The following KATNIP variants were observed in gnomAD, a reference collection of about 807,000 sequenced individuals.
KATNIP encodes the protein katanin-interacting protein.
Under a neutral mutation model 174.0 loss-of-function variants are expected in KATNIP, and 126 were observed. The ratio of observed to expected loss-of-function variants is 0.72; its 90% CI spans 0.63 to 0.84. KATNIP has a LOEUF of 0.84. Among genes scored for constraint, KATNIP ranks in the 40% least tolerant of loss-of-function variants. The pLI is 0.00. For missense variants in KATNIP, 1,958 were observed against 2,109.7 expected (o/e 0.93, Z 1.41); for synonymous variants, 810 against 835.7 (o/e 0.97, Z 0.53).
intron 6 of KATNIP, among the ~76,000 whole-genome samples, chr16:27,674,569 A>T (rs1193922641): frequency 6.6e-6 from 1 of 152,130 alleles, no homozygotes; most frequent in African/African-American, 2.4e-5. Flanking sequence ...TCTCTATTTG[A>T]TGTTGATCTT....
intron 8 of KATNIP, among the ~76,000 whole-genome samples, chr16:27,682,644 G>A (rs2078389562): frequency 6.6e-6 from 1 of 152,150 alleles, no homozygotes; most frequent in Non-Finnish European, 1.5e-5. Context: ...ATAACCTAGG[G>A]TAAGAACCTG....
chr16:27,721,695 C>A lies in KATNIP; in HGVS notation c.1743C>A (p.Gly581=), dbSNP rs140779565. The change falls in exon 14 of 28, where the codon GGC becomes GGA. Residue 581 remains glycine, a splice_region_variant and synonymous_variant. Transcript: ENST00000261588. ...TTCGGAATTACTGGACAGCTGATGG[C>A]GTAAGTAACAGGCGCTGGTTCCCCA... is the stretch of plus-strand genomic sequence containing the variant. ...IKVRNYWTAD[G]DLDIGAKNVK... 1.1e-4 allele frequency: 175 copies of A among 1,613,424 alleles called. No homozygotes were observed. The highest frequency in any genetic ancestry group is 1.5e-4 in the Non-Finnish European group (172 of 1,179,836).
At chr16:27,555,222 C>G (rs181635305) in intron 1 of KATNIP, among the ~76,000 whole-genome samples, 1 of 152,314 alleles carries the variant, frequency 6.6e-6, no homozygotes, top group East Asian at 1.9e-4. Flanking sequence ...TTACTTCCTA[C>G]GTTCACAAAA....
intron 4 of KATNIP, 114 bp from the exon 5 acceptor site, chr16:27,630,951 C>T: frequency 2.6e-6 from 2 of 768,054 alleles, no homozygotes; most frequent in Non-Finnish European, 4.4e-6. Context: ...TGTCCTCATA[C>T]ACAAGACTTT....
chr16:27,566,813 T>TG (rs934179750), intron 1 of KATNIP, among the ~76,000 whole-genome samples: 9 of 152,210 alleles, frequency 5.9e-5, no homozygotes, highest in African/African-American at 2.2e-4. Context: ...AAGCTGACAA[T>TG]GGCAGGTGCT....
At chr16:27,551,365 T>C (rs2089356401) in intron 1 of KATNIP, among the ~76,000 whole-genome samples, 1 of 152,204 alleles carries the variant, frequency 6.6e-6, no homozygotes, top group Admixed American at 6.5e-5. Context: ...AATATATCTT[T>C]TCCCTTTGTA....
rs765608104 is a variant in KATNIP at position 27,703,941 on chromosome 16, C to T, written c.1332C>T (p.Asp444=). 1.2e-6 allele frequency: 2 copies of T among 1,614,264 alleles called. No homozygotes were observed. The highest frequency in any genetic ancestry group is 2.2e-5 in the East Asian group (1 of 44,888). The part of the protein sequence containing the change: ...LLKVLQAVES[D]SAHLGRVVSP... ...AAGTCCTCCAGGCCGTCGAAAGTGA[C>T]TCTGCCCATCTCGGCAGGGTGGTTT... Residue 444 remains aspartate (D), a synonymous_variant, in exon 12 of 28, where the codon GAC becomes GAT. Coordinates refer to ENST00000261588, the MANE Select transcript of KATNIP (RefSeq NM_015202.5).
At chr16:27,718,488 G>C (rs2080059522) in intron 13 of KATNIP, 1 of 152,250 alleles carries the variant, frequency 6.6e-6, no homozygotes, top group African/African-American at 2.4e-5. Context: ...AGAAGGCTGG[G>C]TTGCTAATGA....
At chr16:27,759,348 C>T (rs1333996489) in intron 18 of KATNIP, among the ~76,000 whole-genome samples, 1 of 152,130 alleles carries the variant, frequency 6.6e-6, no homozygotes, top group Non-Finnish European at 1.5e-5. Flanking sequence ...TGTTTGAGCT[C>T]TGGTTATTAG....
chr16:27,563,140 C>G (rs1244844587), intron 1 of KATNIP, among the ~76,000 whole-genome samples: 1 of 152,182 alleles, frequency 6.6e-6, no homozygotes, highest in African/African-American at 2.4e-5. Context: ...GTTGGGGAGA[C>G]AGACTACAAA....
At chr16:27,583,679 C>T (rs2141806647) in intron 2 of KATNIP, among the ~76,000 whole-genome samples, 1 of 152,350 alleles carries the variant, frequency 6.6e-6, no homozygotes, top group South Asian at 2.1e-4. Flanking sequence ...AGAGCCAATG[C>T]TTCTGTGACT....
At chr16:27,561,619 G>A (rs1280032820) in intron 1 of KATNIP, among the ~76,000 whole-genome samples, 3 of 152,156 alleles carry the variant, frequency 2.0e-5, no homozygotes, top group Admixed American at 6.5e-5. Flanking sequence ...AAGTCAGAGC[G>A]CTACAGATAT....
intron 8 of KATNIP, among the ~76,000 whole-genome samples, chr16:27,690,534 T>G (rs534478357): frequency 1.3e-5 from 2 of 152,326 alleles, no homozygotes; most frequent in Non-Finnish European, 2.9e-5. Flanking sequence ...TTGTTGCAGT[T>G]CCCGATGCCA....
intron 2 of KATNIP, among the ~76,000 whole-genome samples, chr16:27,592,270 C>CTTTTTTTTTTTTT (rs71137799): frequency 2.2e-5 from 1 of 44,780 alleles, no homozygotes; most frequent in African/African-American, 9.3e-5. Flanking sequence ...GCATATATTA[C>CTTTTTTTTTTTTT]TTTTTTTTTT....
intron 2 of KATNIP, among the ~76,000 whole-genome samples, chr16:27,610,136 C>T (rs1248775443): frequency 6.6e-6 from 1 of 152,048 alleles, no homozygotes. Context: ...ACAGGAGCCC[C>T]CTTGGGGTCC....
At chr16:27,599,629 C>T (rs1349385074) in intron 2 of KATNIP, among the ~76,000 whole-genome samples, 1 of 152,188 alleles carries the variant, frequency 6.6e-6, no homozygotes, top group East Asian at 1.9e-4. Context: ...TCTTCCCTGA[C>T]CCTCCACGTG....
At chr16:27,625,315 G>C (rs62029116) in intron 3 of KATNIP, among the ~76,000 whole-genome samples, 7 of 152,202 alleles carry the variant, frequency 4.6e-5, no homozygotes, top group African/African-American at 1.7e-4. Context: ...ATCCTGGATA[G>C]CTGGATGCCG....
chr16:27,742,499 C>T lies in KATNIP; in HGVS notation c.2623+1579C>T, dbSNP rs148291455. On this transcript the variant is annotated intron_variant, in intron 15 of 27. Coordinates refer to ENST00000261588, the MANE Select transcript of KATNIP (RefSeq NM_015202.5). ...CCATGCCAGGGCTCACCCCTAGAGC[C>T]TCTGGATTTAACCCCACCCCATACC... Among the ~76,000 whole-genome samples, 37 of 152,320 alleles carry T rather than the reference C, an allele frequency of 2.4e-4. 1 individual carries two copies. In the East Asian group the frequency reaches 7.1e-3, roughly 29 times the overall value.
chr16:27,734,047 A>T (rs1211725815), intron 14 of KATNIP, among the ~76,000 whole-genome samples: 1 of 152,060 alleles, frequency 6.6e-6, no homozygotes, highest in East Asian at 1.9e-4. Context: ...GTGGGGTAGG[A>T]GACAGTTAGT....
Sources: allele counts gnomAD v4.1 joint callset (sites outside exome capture counted in the v4.1 genomes callset), GRCh38; gene constraint gnomAD v4.1.1; transcripts MANE v1.5; gene names NCBI Gene and HGNC (gene_info 2026-07-23, HGNC 2026-07-21).